GAL: variants seen among roughly 807,000 people sequenced by gnomAD.
GAL encodes the protein galanin and GMAP prepropeptide, also known as galanin peptides.
GAL carries 14 observed loss-of-function variants against 15.8 expected under a neutral mutation model. The ratio of observed to expected loss-of-function variants is 0.89; its 90% CI spans 0.59 to 1.39. The LOEUF is 1.39. Among genes scored for constraint, GAL ranks in the 40% most tolerant of loss-of-function variants. The pLI, the probability that GAL is intolerant of heterozygous loss-of-function variation, is 0.00. For missense variants in GAL, 176 were observed against 170.4 expected (o/e 1.03, Z -0.18); for synonymous variants, 79 against 73.8 (o/e 1.07, Z -0.36).
chr11:68,687,491 C>T (rs935688361), intron 3 of GAL, among the ~76,000 whole-genome samples: 8 of 152,112 alleles, frequency 5.3e-5, no homozygotes, highest in African/African-American at 1.2e-4. Flanking sequence ...GTGACCCTCT[C>T]GCTCCCTCTG....
intron 5 of GAL, among the ~76,000 whole-genome samples, chr11:68,689,874 G>A (rs1255782041): frequency 1.3e-5 from 2 of 152,330 alleles, no homozygotes; most frequent in Non-Finnish European, 2.9e-5. Context: ...CGCACACTAC[G>A]CTTGGCATTC....
chr11:68,690,976 G>C lies in GAL; in HGVS notation c.361G>C (p.Glu121Gln), dbSNP rs139127322. 4 of 1,610,086 alleles carry C rather than the reference G, an allele frequency of 2.5e-6. No homozygotes were observed. Among genetic ancestry groups the C allele is most frequent in the South Asian group, 2.2e-5 (2 of 90,988 alleles). The change falls in exon 6 of 6, where the codon GAG (glutamate) becomes CAG (glutamine). Residue 121 changes from glutamate (E) to glutamine (Q), a missense_variant. Glu to Gln is a conservative substitution (Grantham distance 29). Transcript: ENST00000265643. ...LPAAASSEDI[E>Q]RS ...CGCCGCAGCCTCCTCAGAAGACATC[G>C]AGCGGTCCTGAGAGCCTCCTGGGCA...
At chr11:68,684,902 C>A in intron 1 of GAL, 22 bp from the exon 2 acceptor site, 1 of 1,540,986 alleles carries the variant, frequency 6.5e-7, no homozygotes, top group Non-Finnish European at 8.9e-7. Flanking sequence ...TCCGACCCGC[C>A]CGCCCTGTCC....
Position 68,684,687 on chromosome 11 carries a change from CACCCGGACCCCGACGCTCCGA to C in GAL, c.-39_-19del, listed in dbSNP as rs1945831975. 1 of 398,754 alleles carries C rather than the reference CACCCGGACCCCGACGCTCCGA, an allele frequency of 2.5e-6. No homozygotes were observed. Among genetic ancestry groups the C allele is most frequent in the Non-Finnish European group, 4.4e-6 (1 of 225,280 alleles). 24.7% of individuals were successfully genotyped at this position (398,754 alleles called of 1,614,324 possible). ...GACCTGCCGCCCAGACCCGCCACCG[CACCCGGACCCCGACGCTCCGA>C]ACCCGGGCGCAGCCGCAGCTCAAGG... On this transcript the variant is annotated 5_prime_UTR_variant, in exon 1 of 6. Coordinates refer to ENST00000265643, the MANE Select transcript of GAL (RefSeq NM_015973.5).
intron 4 of GAL, 88 bp from the exon 5 acceptor site, chr11:68,688,761 C>T (rs1039240105): frequency 1.8e-5 from 13 of 723,984 alleles, no homozygotes; most frequent in East Asian, 5.2e-5. Flanking sequence ...GACCTTGCAG[C>T]GCCCAGCTCC....
rs771130833 is a variant in GAL, at chr11:68,690,992, C to T, written c.*5C>T. The T allele has an allele frequency of 3.1e-6, 5 of 1,592,680 alleles. No homozygotes were observed. The highest frequency in any genetic ancestry group is 3.4e-6 in the Non-Finnish European group (4 of 1,160,516). ...GAAGACATCGAGCGGTCCTGAGAGCCTCCTGGGCATGTTTGTCTGTGTGCT... is the reference window on the plus strand; with the variant it reads ...GAAGACATCGAGCGGTCCTGAGAGCTTCCTGGGCATGTTTGTCTGTGTGCT... On this transcript the variant is annotated 3_prime_UTR_variant, in exon 6 of 6. Transcript: ENST00000265643.
rs970706455 is a variant in GAL at position 68,691,040 on chromosome 11, G to A, written c.*53G>A. On this transcript the variant is annotated 3_prime_UTR_variant, in exon 6 of 6. Transcript: ENST00000265643. ...GCTGTAACCTGAAGTCAAACCTTAAGATAATGGATAATCTTCGGCCAATTT... is the reference window on the plus strand; with the variant it reads ...GCTGTAACCTGAAGTCAAACCTTAAAATAATGGATAATCTTCGGCCAATTT... 1.8e-6 allele frequency: 2 copies of A among 1,098,592 alleles called. No individual in the cohort carries two copies. The highest frequency in any genetic ancestry group is 1.7e-5 in the Admixed American group (1 of 59,278). 68.1% of individuals were successfully genotyped at this position (1,098,592 alleles called of 1,614,324 possible).
chr11:68,685,725 C>G, intron 3 of GAL, 77 bp downstream of exon 3: 1 of 1,022,812 alleles, frequency 9.8e-7, no homozygotes, highest in Non-Finnish European at 1.5e-6. Flanking sequence ...CCTGCCCCTC[C>G]GCCTGCGGCT....
intron 3 of GAL, among the ~76,000 whole-genome samples, chr11:68,686,684 C>T (rs958859492): frequency 3.3e-5 from 5 of 152,154 alleles, no homozygotes; most frequent in Non-Finnish European, 5.9e-5. Flanking sequence ...CACCACAGAG[C>T]CTGCTGGTCT....
chr11:68,686,466 G>A lies in GAL; in HGVS notation c.136+818G>A, dbSNP rs1049983244. On this transcript the variant is annotated intron_variant, in intron 3 of 5. Transcript: ENST00000265643. ...CACGCAGGGCCTATCTGAGCCCCGC[G>A]GAGCAGCAAATGGGGAGAATGGTGC... Among the ~76,000 whole-genome samples the A allele has an allele frequency of 5.3e-5, 8 of 152,164 alleles. No individual in the cohort carries two copies. In the East Asian group the frequency reaches 5.8e-4, roughly 11 times the overall value.
At chr11:68,687,951 G>T in intron 3 of GAL, 63 bp from the exon 4 acceptor site, 1 of 996,120 alleles carries the variant, frequency 1.0e-6, no homozygotes, top group Non-Finnish European at 1.6e-6. Context: ...GTCCTTCTTT[G>T]GGTGTGGGGA....
Position 68,685,021 on chromosome 11 carries a change from T to G in GAL, c.81+17T>G, listed in dbSNP as rs1168789947. 1 of 1,552,794 alleles carries G rather than the reference T, an allele frequency of 6.4e-7. No individual in the cohort carries two copies. The highest frequency in any genetic ancestry group is 8.8e-7 in the Non-Finnish European group (1 of 1,138,452). ...TGGTCGCCGGTAAGTGCGGGGCGCGTCTCCTCCGAGCGAAGGGGACATCAG... is the reference window on the plus strand; with the variant it reads ...TGGTCGCCGGTAAGTGCGGGGCGCGGCTCCTCCGAGCGAAGGGGACATCAG... On this transcript the variant is annotated intron_variant, in intron 2 of 5. Transcript: ENST00000265643.
chr11:68,689,936 C>T (rs991585201), intron 5 of GAL, among the ~76,000 whole-genome samples: 2 of 152,250 alleles, frequency 1.3e-5, no homozygotes, highest in African/African-American at 2.4e-5. Flanking sequence ...GGTCCTACTG[C>T]AGCAGTGGAG....
chr11:68,689,821 G>T (rs1945888747), intron 5 of GAL, among the ~76,000 whole-genome samples: 1 of 152,246 alleles, frequency 6.6e-6, no homozygotes, highest in Non-Finnish European at 1.5e-5. Flanking sequence ...CTCTGATCCT[G>T]GCTTCCAGTG....
Position 68,684,544 on chromosome 11 carries a change from A to C in GAL, c.-189A>C. On this transcript the variant is annotated 5_prime_UTR_variant, in exon 1 of 6. Coordinates refer to ENST00000265643, the MANE Select transcript of GAL (RefSeq NM_015973.5). ...AGCAGCGGCGGCGGTGGCGGCGGCC[A>C]CACCGGGCGGCGGACACGTGGAGGG... 1 of 167,958 alleles carries C rather than the reference A, an allele frequency of 6.0e-6. No individual in the cohort carries two copies. Among genetic ancestry groups the C allele is most frequent in the East Asian group, 1.6e-4 (1 of 6,170 alleles). The allele number at this position is 167,958 out of a possible 1,614,324, so 10.4% of individuals were successfully genotyped here.
Position 68,688,058 on chromosome 11 carries a change from A to T in GAL, c.181A>T (p.Thr61Ser), listed in dbSNP as rs1221317432. 6.2e-7 allele frequency: 1 copy of T among 1,613,152 alleles called. No homozygotes were observed. Among genetic ancestry groups the T allele is most frequent in the East Asian group, 2.2e-5 (1 of 44,874 alleles). The change falls in exon 4 of 6, where the codon ACC (threonine) becomes TCC (serine). Residue 61 changes from threonine to serine, a missense_variant. Physicochemically the swap from Thr to Ser is moderately conservative, Grantham distance 58. Transcript: ENST00000265643. ...HRSFSDKNGL[T>S]SKRELRPEDD... ...GTCATTCAGCGACAAGAATGGCCTCACCAGCAAGCGGGAGCTGCGGCCCGA... is the reference window on the plus strand; with the variant it reads ...GTCATTCAGCGACAAGAATGGCCTCTCCAGCAAGCGGGAGCTGCGGCCCGA...
chr11:68,684,849 C>A (rs1366168354), intron 1 of GAL, 75 bp from the exon 2 acceptor site: 3 of 878,904 alleles, frequency 3.4e-6, no homozygotes, highest in Non-Finnish European at 5.5e-6. Context: ...CTCCTCCCCG[C>A]AGCCCCGGCA....
Position 68,688,897 on chromosome 11 carries a change from T to C in GAL, c.272T>C (p.Ile91Thr), listed in dbSNP as rs1476775656. The change falls in exon 5 of 6, where the codon ATT becomes ACT. Residue 91 changes from isoleucine to threonine, a missense_variant. By Grantham distance (89) the Ile-to-Thr change is moderately conservative (BLOSUM62 -1). Transcript: ENST00000265643. ...GAAAACAATATCATGCGCACAATCA[T>C]TGAGTTTCTGTCTTTCTTGCATCTC... is the stretch of plus-strand genomic sequence containing the variant. ...IPENNIMRTI[I>T]EFLSFLHLKE... 2 of 1,562,416 alleles carry C rather than the reference T, an allele frequency of 1.3e-6. No homozygotes were observed. The highest frequency in any genetic ancestry group is 2.2e-5 in the East Asian group (1 of 44,666).
intron 5 of GAL, among the ~76,000 whole-genome samples, chr11:68,690,438 G>T (rs931804839): frequency 2.0e-5 from 3 of 152,102 alleles, no homozygotes; most frequent in Non-Finnish European, 4.4e-5. Flanking sequence ...GGAGGGGAGC[G>T]GGGGAAGGAG....
Sources: allele counts gnomAD v4.1 joint callset (sites outside exome capture counted in the v4.1 genomes callset), GRCh38; gene constraint gnomAD v4.1.1; transcripts MANE v1.5; gene names NCBI Gene and HGNC (gene_info 2026-07-23, HGNC 2026-07-21).